TMTC1: variants seen among roughly 807,000 people sequenced by gnomAD.
TMTC1 encodes the protein protein O-mannosyl-transferase TMTC1.
TMTC1 carries 73 observed loss-of-function variants against 104.8 expected under a neutral mutation model. That is an observed-to-expected ratio of 0.70 (90% confidence interval 0.58 to 0.85). TMTC1 has a LOEUF of 0.85. Among genes scored for constraint, TMTC1 ranks in the 40% least tolerant of loss-of-function variants. The probability of loss-of-function intolerance (pLI) is 0.00; values close to 1 mark genes in which losing one functional copy is unlikely to be tolerated. For missense variants in TMTC1, 1,035 were observed against 1,096.1 expected, an observed-to-expected ratio of 0.94 and a Z score of 0.79; for synonymous variants, 434 against 428.7, an observed-to-expected ratio of 1.01 and a Z score of -0.15.
intron 7 of TMTC1, among the ~76,000 whole-genome samples, chr12:29,595,899 T>C (rs938812650): frequency 7.9e-5 from 12 of 152,230 alleles, no homozygotes; most frequent in Admixed American, 5.2e-4. Flanking sequence ...AGCTTTCTTT[T>C]ACACTGTGGT....
At chr12:29,778,946 G>A (rs1943772837) in intron 1 of TMTC1, among the ~76,000 whole-genome samples, 2 of 152,280 alleles carry the variant, frequency 1.3e-5, no homozygotes, top group Admixed American at 6.5e-5. Context: ...TGAAGTAGGG[G>A]GAAGCAAAGG....
chr12:29,572,022 T>A (rs1395777867), intron 9 of TMTC1, 83 bp downstream of exon 9: 1 of 1,073,720 alleles, frequency 9.3e-7, no homozygotes. Context: ...ACAAACTCCC[T>A]CTCCATATAC....
At chr12:29,765,900 T>C (rs899963887) in intron 2 of TMTC1, among the ~76,000 whole-genome samples, 4 of 152,236 alleles carry the variant, frequency 2.6e-5, no homozygotes, top group African/African-American at 9.6e-5. Flanking sequence ...TATCACATAA[T>C]GATCTATCAC....
At chr12:29,618,793 G>A (rs1332296600) in intron 6 of TMTC1, among the ~76,000 whole-genome samples, 1 of 152,090 alleles carries the variant, frequency 6.6e-6, no homozygotes, top group Non-Finnish European at 1.5e-5. Context: ...AGAACAAGAT[G>A]GAAAATGGTG....
intron 5 of TMTC1, among the ~76,000 whole-genome samples, chr12:29,741,961 G>A (rs1942837973): frequency 6.6e-6 from 1 of 152,116 alleles, no homozygotes; most frequent in Non-Finnish European, 1.5e-5. Flanking sequence ...TATAATGAAA[G>A]AGACCACTTT....
intron 6 of TMTC1, among the ~76,000 whole-genome samples, chr12:29,606,588 G>A (rs1409824307): frequency 2.0e-5 from 3 of 152,034 alleles, no homozygotes; most frequent in Non-Finnish European, 4.4e-5. Context: ...AATTATTCAC[G>A]TCTTCCCAAA....
chr12:29,726,021 C>G (rs1187929009), intron 5 of TMTC1, among the ~76,000 whole-genome samples: 1 of 152,222 alleles, frequency 6.6e-6, no homozygotes, highest in East Asian at 1.9e-4. Context: ...ACAGAGCCAC[C>G]TAAGCCCAGG....
intron 5 of TMTC1, among the ~76,000 whole-genome samples, chr12:29,724,914 T>C (rs1042381724): frequency 6.6e-6 from 1 of 150,472 alleles, no homozygotes; most frequent in African/African-American, 2.4e-5. Flanking sequence ...TATACAAAAG[T>C]AAACCAACGA....
chr12:29,545,337 C>T (rs757576670), intron 10 of TMTC1, among the ~76,000 whole-genome samples: 3 of 152,128 alleles, frequency 2.0e-5, no homozygotes, highest in Non-Finnish European at 4.4e-5. Context: ...TTGTTCTCAC[C>T]CTTTGTTTTA....
chr12:29,767,140 A>T (rs1200355975), intron 2 of TMTC1, among the ~76,000 whole-genome samples: 1 of 152,084 alleles, frequency 6.6e-6, no homozygotes, highest in African/African-American at 2.4e-5. Flanking sequence ...TTTAGTAGAC[A>T]TGGGGATTCA....
intron 7 of TMTC1, 104 bp downstream of exon 7, chr12:29,604,074 C>T: frequency 6.8e-7 from 1 of 1,470,790 alleles, no homozygotes; most frequent in Non-Finnish European, 9.3e-7. Flanking sequence ...TCCCTTGTCC[C>T]ATGAGGATCT....
chr12:29,643,429 T>TGA (rs1938959813), intron 5 of TMTC1, among the ~76,000 whole-genome samples: 2 of 129,282 alleles, frequency 1.5e-5, no homozygotes, highest in African/African-American at 2.8e-5. Flanking sequence ...GGATAAACTG[T>TGA]GATATATATA....
chr12:29,752,247 T>C (rs1943110032), intron 4 of TMTC1, among the ~76,000 whole-genome samples: 1 of 152,172 alleles, frequency 6.6e-6, no homozygotes, highest in Non-Finnish European at 1.5e-5. Flanking sequence ...TATAATCTTG[T>C]AAGATATTGC....
At chr12:29,778,413 T>C (rs1052498731) in intron 1 of TMTC1, among the ~76,000 whole-genome samples, 1 of 152,222 alleles carries the variant, frequency 6.6e-6, no homozygotes, top group African/African-American at 2.4e-5. Context: ...TTTTAAACCA[T>C]TCTGGACCAT....
At chr12:29,526,304 T>C (rs1054913265) in intron 11 of TMTC1, among the ~76,000 whole-genome samples, 1 of 152,198 alleles carries the variant, frequency 6.6e-6, no homozygotes, top group Non-Finnish European at 1.5e-5. Flanking sequence ...AGGCTCTCCA[T>C]GAGTATATGC....
In TMTC1 at chr12:29,673,981, A is replaced by T. The variant is rs1002969661; in HGVS notation, c.939-40645T>A. Among the ~76,000 whole-genome samples the T allele has an allele frequency of 4.0e-5, 6 of 150,934 alleles. No homozygotes were observed. The East Asian group carries it at 1.2e-3, about 29-fold the overall frequency. ...TCCAGGTTGGTCAGGCTGGTCTCGA[A>T]CTCCCAATCTCAGGTGATCTGCCAG... On this transcript the variant is annotated intron_variant, in intron 5 of 17. Coordinates refer to ENST00000539277, the MANE Select transcript of TMTC1 (RefSeq NM_001193451.2).
In TMTC1 at chr12:29,502,796, C is replaced by T. The variant is rs1943623344; in HGVS notation, c.*4050G>A. The T allele has an allele frequency of 6.6e-6, 1 of 152,158 alleles. No homozygotes were observed. Among genetic ancestry groups the T allele is most frequent in the African/African-American group, 2.4e-5 (1 of 41,436 alleles). 9.4% of individuals were successfully genotyped at this position (152,158 alleles called of 1,614,324 possible). A position where few individuals can be genotyped will look rare whatever the true frequency, so the allele number is the denominator to read the frequency against. Reference sequence around the variant, plus strand: ...CAGGTGTCAGCCCTGTAGTGGTTCTCCAGCCTAGCTGCACATAAGAAGCAT... The same window carrying T: ...CAGGTGTCAGCCCTGTAGTGGTTCTTCAGCCTAGCTGCACATAAGAAGCAT... On this transcript the variant is annotated 3_prime_UTR_variant, in exon 18 of 18. Transcript: ENST00000539277.
chr12:29,517,425 A>G lies in TMTC1; in HGVS notation c.2169+2T>C. 6.2e-7 allele frequency: 1 copy of G among 1,613,816 alleles called. No individual in the cohort carries two copies. Among genetic ancestry groups the G allele is most frequent in the African/African-American group, 1.3e-5 (1 of 74,922 alleles). ...AGCTTCATTTTCTTTCATCCTACTC[A>G]CCAGTGCCAAGCGGAGCTCCCTCTG... On this transcript the variant is annotated splice_donor_variant, in intron 14 of 17. Transcript: ENST00000539277. LOFTEE classifies it high-confidence loss of function.
chr12:29,549,034 T>C (rs1430783692), intron 10 of TMTC1, among the ~76,000 whole-genome samples: 2 of 145,784 alleles, frequency 1.4e-5, no homozygotes, highest in Non-Finnish European at 3.0e-5. Flanking sequence ...TATATATTTA[T>C]ATATTATTTA....
Sources: allele counts gnomAD v4.1 joint callset (sites outside exome capture counted in the v4.1 genomes callset), GRCh38; gene constraint gnomAD v4.1.1; transcripts MANE v1.5; gene names NCBI Gene and HGNC (gene_info 2026-07-23, HGNC 2026-07-21).